LRRTM4: variants seen among roughly 807,000 people sequenced by gnomAD.
LRRTM4 encodes leucine rich repeat transmembrane neuronal 4.
Under a neutral mutation model 47.6 loss-of-function variants are expected in LRRTM4, and 25 were observed. The observed-to-expected ratio is 0.53, with a 90% CI of 0.38 to 0.73. The LOEUF (loss-of-function observed/expected upper bound fraction) is 0.73, where lower values mean the gene tolerates loss of function less well. Ranked by LOEUF, LRRTM4 falls within the 30% of genes least tolerant of loss-of-function variation. The probability of loss-of-function intolerance (pLI) is 0.00; values close to 1 mark genes in which losing one functional copy is unlikely to be tolerated. For missense variants in LRRTM4, 638 were observed against 713.4 expected, an observed-to-expected ratio of 0.89 and a Z score of 1.20; for synonymous variants, 311 against 269.5, an observed-to-expected ratio of 1.15 and a Z score of -1.51.
intron 3 of LRRTM4, among the ~76,000 whole-genome samples, chr2:77,380,946 A>G (rs926940399): frequency 1.8e-4 from 27 of 152,190 alleles, no homozygotes; most frequent in Admixed American, 9.8e-4. Flanking sequence ...ATGAGACAAC[A>G]GATAAAAGAT....
chr2:76,807,447 T>TAC (rs1558667521), intron 3 of LRRTM4, among the ~76,000 whole-genome samples: 3 of 90,778 alleles, frequency 3.3e-5, no homozygotes, highest in African/African-American at 2.1e-4. Flanking sequence ...CGTATATACA[T>TAC]ATATATATAT....
intron 3 of LRRTM4, among the ~76,000 whole-genome samples, chr2:77,389,123 G>A (rs1022011446): frequency 3.3e-5 from 5 of 152,038 alleles, no homozygotes; most frequent in African/African-American, 1.2e-4. Flanking sequence ...AAAATGCTGA[G>A]AGAAAAGTTT....
intron 3 of LRRTM4, among the ~76,000 whole-genome samples, chr2:76,896,476 A>G (rs766361246): frequency 3.9e-5 from 6 of 152,162 alleles, no homozygotes; most frequent in East Asian, 1.9e-4. Flanking sequence ...AAAATCATCA[A>G]GCTTAAACAA....
rs868824855 is a variant in LRRTM4 at position 77,448,539 on chromosome 2, C to T, written c.1551+69779G>A. Among the ~76,000 whole-genome samples, 5 of 152,096 alleles carry T rather than the reference C, an allele frequency of 3.3e-5. No homozygotes were observed. The South Asian group carries it at 8.3e-4, about 25-fold the overall frequency. On this transcript the variant is annotated intron_variant, in intron 3 of 3. Coordinates refer to ENST00000409884, the MANE Select transcript of LRRTM4 (RefSeq NM_001134745.3). Reference sequence around the variant, plus strand: ...CTCTGCAGTCTGCATTTCAAATTACCATCATCTGATGTGTTATAATGGGAG... The same window carrying T: ...CTCTGCAGTCTGCATTTCAAATTACTATCATCTGATGTGTTATAATGGGAG...
chr2:77,471,792 A>G lies in LRRTM4; in HGVS notation c.1551+46526T>C, dbSNP rs1213697541. On this transcript the variant is annotated intron_variant, in intron 3 of 3. Transcript: ENST00000409884. ...ACCATCACCAGCAGCAGGATTCTCT[A>G]GCTCCTTCATCCTGATTTATTTTTC... is the stretch of plus-strand genomic sequence containing the variant. Among the ~76,000 whole-genome samples the G allele has an allele frequency of 2.0e-5, 3 of 152,244 alleles. No homozygotes were observed. In the East Asian group the frequency reaches 5.8e-4, roughly 29 times the overall value.
At chr2:77,426,288 C>T (rs1204565835) in intron 3 of LRRTM4, among the ~76,000 whole-genome samples, 6 of 152,104 alleles carry the variant, frequency 3.9e-5, no homozygotes, top group Non-Finnish European at 8.8e-5. Context: ...AACCTTTTCC[C>T]TTAATGTATC....
rs1255182620 is a variant in LRRTM4, at chr2:77,057,445, AC to A, written c.1552-308530del. On this transcript the variant is annotated intron_variant, in intron 3 of 3. Coordinates refer to ENST00000409884, the MANE Select transcript of LRRTM4 (RefSeq NM_001134745.3). ...TTGGATTATCATTGGCCACAAGAAG[AC>A]CACTAATTAGAGGAATAACTAGCTC... 2.0e-5 allele frequency among the ~76,000 whole-genome samples: 3 copies of A among 152,340 alleles called. No homozygotes were observed. The East Asian group carries it at 5.8e-4, about 29-fold the overall frequency.
intron 3 of LRRTM4, among the ~76,000 whole-genome samples, chr2:77,016,156 G>A (rs1192178846): frequency 6.6e-6 from 1 of 152,052 alleles, no homozygotes; most frequent in African/African-American, 2.4e-5. Context: ...GGGAGGCCAA[G>A]GAGGGCAGAT....
At chr2:76,771,110 T>G (rs1249473350) in intron 3 of LRRTM4, among the ~76,000 whole-genome samples, 2 of 146,048 alleles carry the variant, frequency 1.4e-5, no homozygotes, top group African/African-American at 5.2e-5. Flanking sequence ...TAGTTTCTAA[T>G]CCAGATTTAA....
At chr2:77,441,689 T>C (rs1450271264) in intron 3 of LRRTM4, among the ~76,000 whole-genome samples, 1 of 152,170 alleles carries the variant, frequency 6.6e-6, no homozygotes, top group East Asian at 1.9e-4. Context: ...AATCACAAAA[T>C]ATCTTATTTC....
intron 3 of LRRTM4, among the ~76,000 whole-genome samples, chr2:77,061,518 A>C (rs143312296): frequency 6.6e-6 from 1 of 152,186 alleles, no homozygotes; most frequent in African/African-American, 2.4e-5. Context: ...GTATCGCATC[A>C]ATCTTAGGGG....
chr2:77,399,553 T>A (rs1168895095), intron 3 of LRRTM4, among the ~76,000 whole-genome samples: 1 of 151,850 alleles, frequency 6.6e-6, no homozygotes, highest in African/African-American at 2.4e-5. Flanking sequence ...TATTGTACAA[T>A]ATGGTGATGG....
At position 76,859,205 on chromosome 2, in the gene LRRTM4, A is replaced by G. The variant is rs146526358; in HGVS notation, c.1552-110289T>C. ...GGGGTGAAGGATACTGGTTGAGTGCAAGGGTGTTGGAGTAGGAAAGACTGA... is the reference window on the plus strand; with the variant it reads ...GGGGTGAAGGATACTGGTTGAGTGCGAGGGTGTTGGAGTAGGAAAGACTGA... On this transcript the variant is annotated intron_variant, in intron 3 of 3. Transcript: ENST00000409884. Among the ~76,000 whole-genome samples, 525 of 152,298 alleles carry G rather than the reference A, an allele frequency of 3.4e-3. 5 individuals are homozygous for G. Among genetic ancestry groups the G allele is most frequent in the African/African-American group, 0.012 (488 of 41,574 alleles).
intron 3 of LRRTM4, among the ~76,000 whole-genome samples, chr2:77,025,586 A>G (rs997087258): frequency 5.9e-5 from 9 of 152,164 alleles, no homozygotes; most frequent in African/African-American, 1.4e-4. Context: ...ATCCAAATAA[A>G]TAAGATCAAT....
intron 3 of LRRTM4, among the ~76,000 whole-genome samples, chr2:77,184,288 T>G (rs1353613067): frequency 6.6e-6 from 1 of 152,046 alleles, no homozygotes; most frequent in African/African-American, 2.4e-5. Context: ...GTACTAAAAT[T>G]ATATTAAATA....
intron 3 of LRRTM4, among the ~76,000 whole-genome samples, chr2:77,386,430 C>T (rs180736639): frequency 6.0e-4 from 92 of 152,210 alleles, no homozygotes; most frequent in African/African-American, 2.1e-3. Flanking sequence ...CATCCATATC[C>T]CTGCAAAGGA....
intron 3 of LRRTM4, among the ~76,000 whole-genome samples, chr2:76,808,415 G>A (rs1670627106): frequency 2.7e-5 from 4 of 147,368 alleles, no homozygotes; most frequent in African/African-American, 2.5e-5. Context: ...TTTTCCAACT[G>A]CATTGAAAAT....
chr2:77,294,810 G>A (rs1002067417), intron 3 of LRRTM4, among the ~76,000 whole-genome samples: 3 of 152,170 alleles, frequency 2.0e-5, no homozygotes, highest in Admixed American at 6.5e-5. Flanking sequence ...CAGGGAACTC[G>A]AAATGACACT....
chr2:77,323,532 T>G (rs1666915379), intron 3 of LRRTM4, among the ~76,000 whole-genome samples: 1 of 152,150 alleles, frequency 6.6e-6, no homozygotes, highest in Admixed American at 6.6e-5. Flanking sequence ...TGAAAATGAA[T>G]ACCTAATCAC....
Sources: allele counts gnomAD v4.1 joint callset (sites outside exome capture counted in the v4.1 genomes callset), GRCh38; gene constraint gnomAD v4.1.1; transcripts MANE v1.5; gene names NCBI Gene and HGNC (gene_info 2026-07-23, HGNC 2026-07-21).